The following CHRNE variants were observed in gnomAD, a reference collection of about 807,000 sequenced individuals.
The protein encoded by CHRNE is cholinergic receptor nicotinic epsilon subunit.
Under a neutral mutation model 56.5 loss-of-function variants are expected in CHRNE, and 58 were observed. The observed-to-expected ratio is 1.03, with a 90% CI of 0.83 to 1.28. CHRNE has a LOEUF of 1.28. CHRNE is among the 50% of genes most tolerant of loss of function. The pLI, the probability that CHRNE is intolerant of heterozygous loss-of-function variation, is 0.00. For synonymous variants in CHRNE, 385 were observed against 297.9 expected, an observed-to-expected ratio of 1.29 and a Z score of -3.01; for missense variants, 793 against 688.9, an observed-to-expected ratio of 1.15 and a Z score of -1.69.
rs1567640168 is a variant in CHRNE, at chr17:4,902,615, G to A, written c.189+6C>T. The A allele has an allele frequency of 6.2e-7, 1 of 1,614,018 alleles. No individual in the cohort carries two copies. The highest frequency in any genetic ancestry group is 2.2e-5 in the East Asian group (1 of 44,870). On this transcript the variant is annotated splice_donor_region_variant and intron_variant, in intron 2 of 11. Coordinates refer to ENST00000649488, the MANE Select transcript of CHRNE (RefSeq NM_000080.4). This position sits in a 1 kb window ranked among gnomAD's most constrained non-coding sequence, Gnocchi z 4.0. ...TTGGCTTAAGATGAGGGTGGGGGTAGCTTACCAGTGAGATGAGATTCGTCA... is the reference window on the plus strand; with the variant it reads ...TTGGCTTAAGATGAGGGTGGGGGTAACTTACCAGTGAGATGAGATTCGTCA...
chr17:4,899,528 GA>G lies in CHRNE; in HGVS notation c.971del (p.Ile324ThrfsTer61), dbSNP rs879255562. On this transcript the variant is annotated frameshift_variant, in exon 9 of 12. Coordinates refer to ENST00000649488, the MANE Select transcript of CHRNE (RefSeq NM_000080.4). LOFTEE classifies it high-confidence loss of function. ...VATLIVMNCV[I>X]VLNVSQRTPT... is the part of the protein sequence containing the mutation. ...GCGTCCGCTGGGACACGTTGAGCAC[GA>G]TGACGCAATTCATGACAATGAGCGT... 44 of 1,604,576 alleles carry G rather than the reference GA, an allele frequency of 2.7e-5. No individual in the cohort carries two copies. Among genetic ancestry groups the G allele is most frequent in the Non-Finnish European group, 3.7e-5 (44 of 1,176,756 alleles).
chr17:4,900,210 C>G (rs1039636061), intron 8 of CHRNE: 3 of 1,544,572 alleles, frequency 1.9e-6, no homozygotes, highest in Non-Finnish European at 1.7e-6. Context: ...CTCTGCCTCC[C>G]CGCTAACCCC....
intron 10 of CHRNE, 27 bp downstream of exon 10, chr17:4,899,171 C>T: frequency 6.3e-7 from 1 of 1,593,510 alleles, no homozygotes; most frequent in Non-Finnish European, 8.5e-7. Flanking sequence ...CCCGCGCGGC[C>T]CCCCGGGCCA....
Position 4,899,208 on chromosome 17 carries a change from C to G in CHRNE, c.1209G>C (p.Gly403=), listed in dbSNP as rs1414430330. Residue 403 remains glycine (G), a synonymous_variant, in exon 10 of 12, where the codon GGG becomes GGC. Coordinates refer to ENST00000649488, the MANE Select transcript of CHRNE (RefSeq NM_000080.4). ...LVFEGQRHRQ[G]TWTAAFCQSL... Reference sequence around the variant, plus strand: ...GGCCACTGTGCTCACCCGTCCAGGTCCCCTGCCGGTGCCTCTGCCCCTCAA... The same window carrying G: ...GGCCACTGTGCTCACCCGTCCAGGTGCCCTGCCGGTGCCTCTGCCCCTCAA... 1 of 1,605,248 alleles carries G rather than the reference C, an allele frequency of 6.2e-7. No individual in the cohort carries two copies. The highest frequency in any genetic ancestry group is 8.5e-7 in the Non-Finnish European group (1 of 1,178,108).
At chr17:4,899,852 T>C in intron 8 of CHRNE, 1 of 1,550,972 alleles carries the variant, frequency 6.4e-7, no homozygotes, top group South Asian at 1.2e-5. Flanking sequence ...CGCCAAGGGC[T>C]GCACCTCGAG....
chr17:4,899,783 C>T, intron 8 of CHRNE: 1 of 1,551,338 alleles, frequency 6.4e-7, no homozygotes, highest in Admixed American at 2.0e-5. Context: ...CCCCCAGCTC[C>T]CTGGACACCC....
chr17:4,903,049 C>T lies in CHRNE; in HGVS notation c.15G>A (p.Pro5=), dbSNP rs756933520. 10 of 1,613,942 alleles carry T rather than the reference C, an allele frequency of 6.2e-6. No individual in the cohort carries two copies. In the African/African-American group the frequency reaches 9.3e-5, roughly 15 times the overall value. The change falls in exon 1 of 12, where the codon CCG becomes CCA. Residue 5 remains proline, a synonymous_variant. Transcript: ENST00000649488. Reference sequence around the variant, plus strand: ...GCCCCAAGAGGAGCAGGACCCCAAGCGGAGCCCTTGCCATCCTGCTGCGTG... The same window carrying T: ...GCCCCAAGAGGAGCAGGACCCCAAGTGGAGCCCTTGCCATCCTGCTGCGTG... The part of the protein sequence containing the change: MARA[P]LGVLLLLGLL...
chr17:4,900,211 C>G, intron 8 of CHRNE: 2 of 1,544,436 alleles, frequency 1.3e-6, no homozygotes, highest in East Asian at 2.5e-5. Flanking sequence ...TCTGCCTCCC[C>G]GCTAACCCCT....
At position 4,897,873 on chromosome 17, in the gene CHRNE, C is replaced by G. The variant is rs1301569196; in HGVS notation, c.*863G>C. ...TCCCCCCATTCCCGACCCCCCTCTC[C>G]TCTTCTAGCCCATGCCCTTCCCCGG... On this transcript the variant is annotated 3_prime_UTR_variant, in exon 12 of 12. Transcript: ENST00000649488. 6.6e-6 allele frequency: 1 copy of G among 152,242 alleles called. No individual in the cohort carries two copies. Among genetic ancestry groups the G allele is most frequent in the Non-Finnish European group, 1.5e-5 (1 of 68,122 alleles). The allele number at this position is 152,242 out of a possible 1,614,324, so 9.4% of individuals were successfully genotyped here. A position where few individuals can be genotyped will look rare whatever the true frequency, so the allele number is the denominator to read the frequency against.
chr17:4,899,611 C>T (rs1258045413), intron 8 of CHRNE, 29 bp from the exon 9 acceptor site: 10 of 1,513,774 alleles, frequency 6.6e-6, no homozygotes, highest in South Asian at 2.4e-5. Context: ...ATGACATCAC[C>T]GTTCCTCCTC....
chr17:4,900,444 G>A (rs1309189989), intron 8 of CHRNE: 2 of 1,551,120 alleles, frequency 1.3e-6, no homozygotes, highest in East Asian at 2.4e-5. Context: ...GGGTCTGCAG[G>A]GGTCTGCCTC....
chr17:4,899,842 C>T (rs991296636), intron 8 of CHRNE: 20 of 1,551,160 alleles, frequency 1.3e-5, no homozygotes, highest in Middle Eastern at 3.3e-4. Flanking sequence ...AGGCTACGCC[C>T]GCCAAGGGCT....
At chr17:4,901,815 C>G (rs1969995719) in intron 5 of CHRNE, 117 bp downstream of exon 5, 1 of 1,481,082 alleles carries the variant, frequency 6.8e-7, no homozygotes, top group African/African-American at 1.4e-5. Context: ...AGTGCCTACG[C>G]CTGGCTCCGC....
upstream of CHRNE, among the ~76,000 whole-genome samples, chr17:4,903,868 ATTT>A (rs916204252): frequency 1.3e-3 from 199 of 151,962 alleles, no homozygotes; most frequent in African/African-American, 3.8e-3. Context: ...TTTAAAAAAA[ATTT>A]TTTTGAGACC....
chr17:4,903,707 G>A (rs1022008920), upstream of CHRNE, among the ~76,000 whole-genome samples: 1 of 152,080 alleles, frequency 6.6e-6, no homozygotes, highest in Non-Finnish European at 1.5e-5. Context: ...AGCCCCTCTG[G>A]GTGGGAGACT....
intron 5 of CHRNE, 130 bp downstream of exon 5, chr17:4,901,802 C>G: frequency 1.4e-6 from 2 of 1,405,708 alleles, no homozygotes; most frequent in Admixed American, 3.5e-5. Flanking sequence ...GAGCGTCCCA[C>G]CCAGTGCCTA....
rs199708479 is a variant in CHRNE, at chr17:4,902,083, C to A, written c.349G>T (p.Asp117Tyr). The A allele has an allele frequency of 1.2e-6, 2 of 1,614,050 alleles. No individual in the cohort carries two copies. The highest frequency in any genetic ancestry group is 4.5e-5 in the East Asian group (2 of 44,868). The change falls in exon 5 of 12, where the codon GAT becomes TAT. Residue 117 changes from aspartate to tyrosine, a missense_variant. By Grantham distance (160) the Asp-to-Tyr change is radical. Transcript: ENST00000649488. This position sits in a 1 kb window ranked among gnomAD's most constrained non-coding sequence, Gnocchi z 4.0. ...TCGTAGGCCACTCCGAACTGGCCATCAATACTGTGGGCTCGGGGAAACCGA... is the reference window on the plus strand; with the variant it reads ...TCGTAGGCCACTCCGAACTGGCCATAAATACTGTGGGCTCGGGGAAACCGA... Reference protein sequence around the residue: ...LPEIVLENNIDGQFGVAYDAN... With the variant: ...LPEIVLENNIYGQFGVAYDAN...
Position 4,898,170 on chromosome 17 carries a change from C to T in CHRNE, c.*566G>A. ...GGGCTGGGATCTGCAATGAGTGAGC[C>T]TCATGGGGTGGGATGGGCAGTGCTG... On this transcript the variant is annotated 3_prime_UTR_variant, in exon 12 of 12. Coordinates refer to ENST00000649488, the MANE Select transcript of CHRNE (RefSeq NM_000080.4). 2 of 174,070 alleles carry T rather than the reference C, an allele frequency of 1.1e-5. No individual in the cohort carries two copies. The highest frequency in any genetic ancestry group is 2.4e-4 in the South Asian group (2 of 8,222). 10.8% of individuals were successfully genotyped at this position (174,070 alleles called of 1,614,324 possible). A position where few individuals can be genotyped will look rare whatever the true frequency, so the allele number is the denominator to read the frequency against.
At position 4,902,128 on chromosome 17, in the gene CHRNE, A is replaced by C; in HGVS notation, c.345-41T>G. 6.2e-7 allele frequency: 1 copy of C among 1,613,092 alleles called. No homozygotes were observed. Among genetic ancestry groups the C allele is most frequent in the Non-Finnish European group, 8.5e-7 (1 of 1,179,736 alleles). ...AACCGAGCTTTTTGCACAGGTCTGCACCCTCTCAGAGTACCCCCTTCCCCA... is the reference window on the plus strand; with the variant it reads ...AACCGAGCTTTTTGCACAGGTCTGCCCCCTCTCAGAGTACCCCCTTCCCCA... On this transcript the variant is annotated intron_variant, in intron 4 of 11. Transcript: ENST00000649488. The surrounding 1 kb of genome is among the most constrained non-coding windows in gnomAD (Gnocchi z 4.0).
Sources: allele counts gnomAD v4.1 joint callset (sites outside exome capture counted in the v4.1 genomes callset), GRCh38; gene constraint gnomAD v4.1.1; non-coding constraint Gnocchi (gnomAD v3.1); transcripts MANE v1.5; gene names NCBI Gene and HGNC (gene_info 2026-07-23, HGNC 2026-07-21).